The following TMEM273 variants were observed in gnomAD, a reference collection of about 807,000 sequenced individuals.
TMEM273 encodes the protein transmembrane protein 273.
A neutral mutation model predicts 17.9 loss-of-function variants in TMEM273; 19 were observed. That is an observed-to-expected ratio of 1.06 (90% CI 0.74 to 1.55). TMEM273 has a LOEUF of 1.55. TMEM273 is among the 40% of genes most tolerant of loss of function. The pLI, the probability that TMEM273 is intolerant of heterozygous loss-of-function variation, is 0.00. For missense variants in TMEM273, 194 were observed against 155.6 expected (o/e 1.25, Z -1.31); for synonymous variants, 66 against 62.0 (o/e 1.07, Z -0.31).
chr10:49,157,390 G>A (rs548899748), intron 6 of TMEM273, among the ~76,000 whole-genome samples: 105 of 152,316 alleles, frequency 6.9e-4, no homozygotes, highest in Non-Finnish European at 1.1e-3. Context: ...ATGGTACTCC[G>A]GGCTGGCATC....
intron 1 of TMEM273, among the ~76,000 whole-genome samples, chr10:49,187,066 T>A (rs1256197187): frequency 6.6e-6 from 1 of 152,250 alleles, no homozygotes. Context: ...TTAACTTCCT[T>A]TTTTTGTACC....
intron 1 of TMEM273, among the ~76,000 whole-genome samples, chr10:49,171,795 G>C (rs972114444): frequency 3.3e-5 from 5 of 152,362 alleles, no homozygotes; most frequent in Admixed American, 2.0e-4. Context: ...ATTTTGGAGA[G>C]AGCTGAAGGC....
intron 1 of TMEM273, among the ~76,000 whole-genome samples, chr10:49,183,621 G>A (rs1387732569): frequency 1.3e-5 from 2 of 152,014 alleles, no homozygotes; most frequent in Non-Finnish European, 2.9e-5. Context: ...CAGCTTTGGG[G>A]CATCAAAATG....
At chr10:49,172,535 G>T (rs992963441) in intron 1 of TMEM273, among the ~76,000 whole-genome samples, 4 of 152,042 alleles carry the variant, frequency 2.6e-5, no homozygotes, top group Non-Finnish European at 5.9e-5. Flanking sequence ...CTGGGGAAAG[G>T]GTTTGTTCCA....
intron 5 of TMEM273, among the ~76,000 whole-genome samples, chr10:49,164,561 G>T (rs1846043775): frequency 6.6e-6 from 1 of 152,138 alleles, no homozygotes; most frequent in Admixed American, 6.5e-5. Context: ...CTTAACACAA[G>T]CCCCTCTGAC....
At chr10:49,160,933 T>C (rs1301692638) in intron 6 of TMEM273, 1 of 152,238 alleles carries the variant, frequency 6.6e-6, no homozygotes, top group Non-Finnish European at 1.5e-5. Flanking sequence ...CAGGCCTGTG[T>C]GACCATCCTG....
At chr10:49,170,681 C>T (rs558802172) in intron 1 of TMEM273, among the ~76,000 whole-genome samples, 62 of 152,310 alleles carry the variant, frequency 4.1e-4, no homozygotes, top group East Asian at 4.1e-3. Flanking sequence ...GCCCTTCCTG[C>T]GAGCCAGCCC....
At chr10:49,162,780 C>T (rs1382413563) in intron 5 of TMEM273, among the ~76,000 whole-genome samples, 2 of 152,300 alleles carry the variant, frequency 1.3e-5, no homozygotes, top group South Asian at 2.1e-4. Flanking sequence ...AAAACAGACT[C>T]CTCCTGCACT....
chr10:49,156,344 G>A, intron 6 of TMEM273: 1 of 1,174,840 alleles, frequency 8.5e-7, no homozygotes, highest in South Asian at 1.4e-5. Flanking sequence ...GTTACAGAGG[G>A]TGAGACTTCT....
chr10:49,168,705 G>GGAAA (rs1938841398), intron 1 of TMEM273, among the ~76,000 whole-genome samples: 1 of 49,902 alleles, frequency 2.0e-5, no homozygotes, highest in African/African-American at 1.5e-4. Flanking sequence ...AGGGAGGGAG[G>GGAAA]GAGGGAGGGA....
At chr10:49,157,624 G>A (rs1307289960) in intron 6 of TMEM273, among the ~76,000 whole-genome samples, 1 of 152,116 alleles carries the variant, frequency 6.6e-6, no homozygotes, top group Non-Finnish European at 1.5e-5. Context: ...AAAAATCTTT[G>A]GCAAAATCCA....
intron 3 of TMEM273, chr10:49,166,308 C>T (rs1336676482): frequency 5.0e-6 from 1 of 198,570 alleles, no homozygotes; most frequent in Non-Finnish European, 1.0e-5. Flanking sequence ...GCATGTCAGC[C>T]AGCTCAGTTT....
chr10:49,162,316 C>T (rs560311410), intron 5 of TMEM273, among the ~76,000 whole-genome samples: 1 of 152,220 alleles, frequency 6.6e-6, no homozygotes, highest in South Asian at 2.1e-4. Flanking sequence ...TATACACAGG[C>T]AATAAATGCA....
intron 1 of TMEM273, among the ~76,000 whole-genome samples, chr10:49,187,915 T>C (rs531833714): frequency 1.3e-5 from 2 of 152,374 alleles, no homozygotes; most frequent in African/African-American, 4.8e-5. Flanking sequence ...TAAATTTAAC[T>C]TAACTCTCTT....
In TMEM273 at chr10:49,181,275, G is replaced by A. The variant is rs1408605814; in HGVS notation, c.43+7019C>T. 3.3e-5 allele frequency among the ~76,000 whole-genome samples: 5 copies of A among 152,168 alleles called. No individual in the cohort carries two copies. The South Asian group carries it at 8.3e-4, about 25-fold the overall frequency. On this transcript the variant is annotated intron_variant, in intron 1 of 6. Transcript: ENST00000374153. ...TGGAAAAACACAACATGATAAAGAT[G>A]TCAAATCTCCCCAGATTGATCTATA...
chr10:49,184,968 C>T (rs1962336), intron 1 of TMEM273, among the ~76,000 whole-genome samples: 50,875 of 151,986 alleles, frequency 0.33, 8,652 homozygotes, highest in South Asian at 0.47. Flanking sequence ...GATAATGCAA[C>T]GTGTTCAGTA....
At chr10:49,163,292 T>C (rs1425906747) in intron 5 of TMEM273, among the ~76,000 whole-genome samples, 1 of 135,980 alleles carries the variant, frequency 7.4e-6, no homozygotes, top group Non-Finnish European at 1.6e-5. Context: ...TATGTGCATG[T>C]GTGTGTGTGT....
At chr10:49,166,177 C>T (rs1355605414) in intron 3 of TMEM273, among the ~76,000 whole-genome samples, 6 of 152,092 alleles carry the variant, frequency 3.9e-5, no homozygotes, top group South Asian at 4.1e-4. Flanking sequence ...AAAACTGCAC[C>T]GTCATTGCAG....
At chr10:49,165,452 G>A in intron 4 of TMEM273, 169 bp from the exon 5 acceptor site, 1 of 1,476,002 alleles carries the variant, frequency 6.8e-7, no homozygotes, top group South Asian at 1.4e-5. Flanking sequence ...ACAGGGGCTG[G>A]AGGCCTCATT....
Sources: allele counts gnomAD v4.1 joint callset (sites outside exome capture counted in the v4.1 genomes callset), GRCh38; gene constraint gnomAD v4.1.1; transcripts MANE v1.5; gene names NCBI Gene and HGNC (gene_info 2026-07-23, HGNC 2026-07-21).